RANBP2: variants seen among roughly 807,000 people sequenced by gnomAD.
RANBP2 encodes the protein RAN binding protein 2, also known as E3 SUMO-protein ligase RanBP2.
RANBP2 carries 57 observed loss-of-function variants against 303.6 expected under a neutral mutation model. The observed-to-expected ratio is 0.19, with a 90% CI of 0.15 to 0.23. RANBP2 has a LOEUF of 0.23. Ranked by LOEUF, RANBP2 falls within the 10% of genes least tolerant of loss-of-function variation. RANBP2 has a pLI of 1.00. For synonymous variants in RANBP2, 1,167 were observed against 1,301.5 expected (o/e 0.90, Z 2.23); for missense variants, 3,138 against 3,780.8 (o/e 0.83, Z 4.46).
At chr2:109,599,653 A>G in the RANBP2 span, among the ~76,000 whole-genome samples, 21 of 152,098 alleles carry the variant, frequency 1.4e-4, no homozygotes, top group Non-Finnish European at 2.9e-4. Context: ...AAATACATCA[A>G]AAGTTAAAGG....
At chr2:108,825,044 A>T in the RANBP2 span, among the ~76,000 whole-genome samples, 1 of 152,242 alleles carries the variant, frequency 6.6e-6, no homozygotes, top group African/African-American at 2.4e-5. Flanking sequence ...AATTACCTGT[A>T]AAGTATTCCT....
At chr2:109,239,313 G>T in the RANBP2 span, among the ~76,000 whole-genome samples, 1 of 152,114 alleles carries the variant, frequency 6.6e-6, no homozygotes, top group Non-Finnish European at 1.5e-5. Context: ...TCCCTTCCTA[G>T]GGGGCTATAG....
At chr2:109,614,207 G>A in the RANBP2 span, 3 of 1,074,900 alleles carry the variant, frequency 2.8e-6, no homozygotes, top group Non-Finnish European at 3.5e-6. Flanking sequence ...GCCGGAAGTG[G>A]GCGGGCCTTG....
the RANBP2 span, chr2:109,613,989 G>A: frequency 8.3e-7 from 1 of 1,199,170 alleles, no homozygotes; most frequent in Non-Finnish European, 1.0e-6. Flanking sequence ...CCGAGCTGGA[G>A]GCCTCCGGGG....
At chr2:109,449,062 C>A in the RANBP2 span, 1 of 1,310,140 alleles carries the variant, frequency 7.6e-7, no homozygotes, top group Non-Finnish European at 1.0e-6. Flanking sequence ...CAGAGAGAGG[C>A]TGTGAGTGCT....
chr2:109,053,713 A>G, the RANBP2 span, among the ~76,000 whole-genome samples: 1 of 152,234 alleles, frequency 6.6e-6, no homozygotes, highest in Non-Finnish European at 1.5e-5. Context: ...GTTGGAAACC[A>G]GTGCTCAGCG....
At chr2:109,183,464 A>G in the RANBP2 span, among the ~76,000 whole-genome samples, 1 of 152,206 alleles carries the variant, frequency 6.6e-6, no homozygotes, top group African/African-American at 2.4e-5. Flanking sequence ...CACAGTAAAG[A>G]TCTGGAAATT....
the RANBP2 span, among the ~76,000 whole-genome samples, chr2:109,674,369 T>A: frequency 1.5e-5 from 2 of 137,478 alleles, no homozygotes; most frequent in Non-Finnish European, 3.0e-5. Flanking sequence ...AGCTCAGTAG[T>A]TCATGACCGG....
At chr2:109,481,116 G>A in the RANBP2 span, among the ~76,000 whole-genome samples, 2 of 152,218 alleles carry the variant, frequency 1.3e-5, no homozygotes, top group African/African-American at 4.8e-5. Flanking sequence ...TGTTCAGAAA[G>A]GCAGGAGAAG....
the RANBP2 span, among the ~76,000 whole-genome samples, chr2:109,091,748 G>T: frequency 6.6e-6 from 1 of 152,102 alleles, no homozygotes; most frequent in Non-Finnish European, 1.5e-5. Flanking sequence ...TACTGGTGGG[G>T]CACTGCTGAC....
chr2:109,432,468 C>G, the RANBP2 span: 1 of 1,610,392 alleles, frequency 6.2e-7, no homozygotes, highest in Non-Finnish European at 8.5e-7. Flanking sequence ...CAGGAGGGCT[C>G]CCACTGACAC....
chr2:109,029,645 C>G, the RANBP2 span, among the ~76,000 whole-genome samples: 1 of 152,200 alleles, frequency 6.6e-6, no homozygotes, highest in Non-Finnish European at 1.5e-5. Context: ...GGGAGCCCTC[C>G]CTCCTTCCTC....
chr2:109,419,589 C>T, the RANBP2 span: 5 of 1,597,882 alleles, frequency 3.1e-6, no homozygotes, highest in Admixed American at 1.7e-5. Context: ...CACGGGCTGC[C>T]TCGGTGTCTG....
At chr2:109,710,391 A>AAAT in the RANBP2 span, among the ~76,000 whole-genome samples, 1 of 151,588 alleles carries the variant, frequency 6.6e-6, no homozygotes, top group Non-Finnish European at 1.5e-5. Flanking sequence ...CAAAAAAAAA[A>AAAT]AAAAGTGATT....
chr2:108,887,910 T>C, the RANBP2 span, among the ~76,000 whole-genome samples: 2 of 152,170 alleles, frequency 1.3e-5, no homozygotes, highest in Admixed American at 6.5e-5. Flanking sequence ...CTACATTGAA[T>C]AGCAGTGGTA....
the RANBP2 span, among the ~76,000 whole-genome samples, chr2:109,224,875 T>G: frequency 5.9e-5 from 9 of 152,186 alleles, no homozygotes; most frequent in Admixed American, 5.9e-4. Flanking sequence ...TTTTTTTCAT[T>G]TAATTCTAGT....
At chr2:109,530,225 C>A in the RANBP2 span, among the ~76,000 whole-genome samples, 5 of 152,270 alleles carry the variant, frequency 3.3e-5, no homozygotes, top group African/African-American at 1.2e-4. Flanking sequence ...AAAAGCATGG[C>A]CCAGGGAGGC....
At chr2:108,871,161 C>T in the RANBP2 span, among the ~76,000 whole-genome samples, 3 of 151,814 alleles carry the variant, frequency 2.0e-5, no homozygotes, top group African/African-American at 4.8e-5. Flanking sequence ...ACAGAAATGG[C>T]ATGCATTATA....
chr2:109,492,595 G>A, the RANBP2 span, among the ~76,000 whole-genome samples: 1 of 151,690 alleles, frequency 6.6e-6, no homozygotes, highest in African/African-American at 2.4e-5. Context: ...ACCTTCCCAC[G>A]AACCCTATGA....
Sources: gnomAD v4.1 joint callset for allele counts (sites outside exome capture counted in the v4.1 genomes callset) on GRCh38, gnomAD v4.1.1 for gene constraint, MANE v1.5 for transcripts, NCBI Gene and HGNC (gene_info 2026-07-23, HGNC 2026-07-21) for gene names.